MAPK9: variants seen among roughly 807,000 people sequenced by gnomAD.
The protein encoded by MAPK9 is mitogen-activated protein kinase 9.
In MAPK9, 30 loss-of-function variants were observed where a neutral mutation model predicts 57.1. The observed-to-expected ratio is 0.53, with a 90% CI of 0.39 to 0.71. The LOEUF is 0.71. MAPK9 is among the 30% of genes least tolerant of loss of function. The pLI, the probability that MAPK9 is intolerant of heterozygous loss-of-function variation, is 0.00. For missense variants in MAPK9, 362 were observed against 521.0 expected (o/e 0.69, Z 2.97); for synonymous variants, 155 against 177.0 (o/e 0.88, Z 0.99).
intron 2 of MAPK9, among the ~76,000 whole-genome samples, chr5:180,279,114 C>T (rs1762086675): frequency 6.6e-6 from 1 of 152,106 alleles, no homozygotes. Context: ...TGTGCCACCA[C>T]ACCTGGCTAA....
intron 3 of MAPK9, among the ~76,000 whole-genome samples, chr5:180,267,876 A>T (rs1273351434): frequency 6.6e-6 from 1 of 151,446 alleles, no homozygotes; most frequent in Non-Finnish European, 1.5e-5. Context: ...TTATTTATTT[A>T]TTTTGAGACG....
At chr5:180,242,783 C>G in intron 7 of MAPK9, 28 bp from the exon 8 acceptor site, 1 of 1,569,178 alleles carries the variant, frequency 6.4e-7, no homozygotes, top group Non-Finnish European at 8.7e-7. Flanking sequence ...GAAAATACAA[C>G]TGAAGTACCT....
At chr5:180,283,846 G>C (rs1200757806) in intron 1 of MAPK9, among the ~76,000 whole-genome samples, 2 of 152,190 alleles carry the variant, frequency 1.3e-5, no homozygotes, top group South Asian at 2.1e-4. Context: ...TGATGCAGGA[G>C]AATCATTTGA....
At chr5:180,272,371 A>G (rs897366743) in intron 2 of MAPK9, among the ~76,000 whole-genome samples, 7 of 152,174 alleles carry the variant, frequency 4.6e-5, no homozygotes, top group African/African-American at 1.4e-4. Flanking sequence ...TTCCACACTG[A>G]GTGCTGACAG....
At chr5:180,248,001 C>G in intron 6 of MAPK9, 1 of 1,422,470 alleles carries the variant, frequency 7.0e-7, no homozygotes, top group Non-Finnish European at 9.7e-7. Flanking sequence ...CCAGGACAAA[C>G]CCGGTACACG....
chr5:180,281,511 C>A (rs771806247), intron 1 of MAPK9, among the ~76,000 whole-genome samples: 12 of 152,188 alleles, frequency 7.9e-5, no homozygotes, highest in Non-Finnish European at 1.5e-4. Context: ...TTATTTTGGT[C>A]TTTTAAAACT....
chr5:180,240,105 T>G, intron 9 of MAPK9, 118 bp from the exon 10 acceptor site: 1 of 709,960 alleles, frequency 1.4e-6, no homozygotes, highest in Non-Finnish European at 2.4e-6. Context: ...TTTAGTTTAA[T>G]TCAACACGTG....
At chr5:180,248,844 T>C (rs1202062755) in intron 6 of MAPK9, 129 bp downstream of exon 6, 11 of 805,732 alleles carry the variant, frequency 1.4e-5, no homozygotes, top group Non-Finnish European at 1.8e-5. Flanking sequence ...CTCTGGATCA[T>C]GCTATATTCT....
chr5:180,251,169 A>G (rs1049137076), intron 5 of MAPK9, among the ~76,000 whole-genome samples: 2 of 152,188 alleles, frequency 1.3e-5, no homozygotes, highest in Non-Finnish European at 2.9e-5. Context: ...GCGCTTCCTC[A>G]GGCCACAGAG....
intron 4 of MAPK9, among the ~76,000 whole-genome samples, chr5:180,264,090 G>A (rs913374449): frequency 1.3e-5 from 2 of 152,102 alleles, no homozygotes; most frequent in African/African-American, 4.8e-5. Flanking sequence ...ATTTAAAACT[G>A]CAGCCTCAAG....
At chr5:180,257,491 A>C (rs975173795) in intron 5 of MAPK9, among the ~76,000 whole-genome samples, 9 of 152,262 alleles carry the variant, frequency 5.9e-5, no homozygotes, top group African/African-American at 1.9e-4. Context: ...GTAATAATCC[A>C]GGGAATGCTA....
chr5:180,280,616 G>A lies in MAPK9; in HGVS notation c.-47-8C>T, dbSNP rs2127622185. 1.3e-6 allele frequency: 2 copies of A among 1,588,840 alleles called. No individual in the cohort carries two copies. Among genetic ancestry groups the A allele is most frequent in the Non-Finnish European group, 1.7e-6 (2 of 1,166,000 alleles). ...TGGGCAAGTTTCAGATCCCTTCAAA[G>A]AAAAACAGAATGAACGTGCATTCTT... On this transcript the variant is annotated splice_region_variant and splice_polypyrimidine_tract_variant and intron_variant, in intron 1 of 11. Transcript: ENST00000452135.
chr5:180,279,821 C>A (rs572039062), intron 2 of MAPK9: 1 of 456,450 alleles, frequency 2.2e-6, no homozygotes, highest in Admixed American at 2.3e-5. Context: ...GATGCTGCGG[C>A]GGCTGACCGT....
At chr5:180,256,355 C>A (rs1323625572) in intron 5 of MAPK9, among the ~76,000 whole-genome samples, 2 of 142,158 alleles carry the variant, frequency 1.4e-5, no homozygotes, top group African/African-American at 5.3e-5. Context: ...CCACACAGAA[C>A]AGTTAACTTA....
chr5:180,262,570 TA>T (rs36105705), intron 4 of MAPK9, among the ~76,000 whole-genome samples: 21 of 146,860 alleles, frequency 1.4e-4, no homozygotes, highest in Admixed American at 5.5e-4. Flanking sequence ...AAAATTAAAT[TA>T]AAAAAAAAAA....
At chr5:180,265,571 T>C (rs34995798) in intron 3 of MAPK9, among the ~76,000 whole-genome samples, 66 of 152,352 alleles carry the variant, frequency 4.3e-4, no homozygotes, top group Non-Finnish European at 2.6e-4. Flanking sequence ...TCTTCCGCCA[T>C]GATTGCAAGT....
chr5:180,266,399 A>G (rs1306089283), intron 3 of MAPK9, among the ~76,000 whole-genome samples: 1 of 150,920 alleles, frequency 6.6e-6, no homozygotes, highest in Non-Finnish European at 1.5e-5. Flanking sequence ...ACTGCAACCT[A>G]TGCTTCCTGG....
rs1431856080 is a variant in MAPK9, at chr5:180,234,320, G to A, written c.*2064C>T. ...CCCTGGCAAATCTAGGCTCAGGAGA[G>A]AGAACCCTGAAGCTGGGGTGAGGTA... On this transcript the variant is annotated 3_prime_UTR_variant, in exon 12 of 12. Coordinates refer to ENST00000452135, the MANE Select transcript of MAPK9 (RefSeq NM_002752.5). 1 of 152,250 alleles carries A rather than the reference G, an allele frequency of 6.6e-6. No individual in the cohort carries two copies. The highest frequency in any genetic ancestry group is 1.5e-5 in the Non-Finnish European group (1 of 68,056). The allele number at this position is 152,250 out of a possible 1,614,324, so 9.4% of individuals were successfully genotyped here.
intron 5 of MAPK9, among the ~76,000 whole-genome samples, chr5:180,255,954 T>C (rs1759232449): frequency 6.6e-6 from 1 of 152,182 alleles, no homozygotes; most frequent in Admixed American, 6.5e-5. Flanking sequence ...ATCCTTGATT[T>C]AAAAAAACAA....
Sources: allele counts gnomAD v4.1 joint callset (sites outside exome capture counted in the v4.1 genomes callset), GRCh38; gene constraint gnomAD v4.1.1; transcripts MANE v1.5; gene names NCBI Gene and HGNC (gene_info 2026-07-23, HGNC 2026-07-21).